The following LRRC37A2 variants were observed in gnomAD, a reference collection of about 807,000 sequenced individuals.
LRRC37A2 encodes the protein leucine rich repeat containing 37 member A2, also known as leucine-rich repeat-containing protein 37A2.
A neutral mutation model predicts 68.8 loss-of-function variants in LRRC37A2; 9 were observed. The observed-to-expected ratio is 0.13, with a 90% CI of 0.08 to 0.23. The LOEUF is 0.23. LRRC37A2 is among the 10% of genes least tolerant of loss of function. LRRC37A2 has a pLI of 1.00. For synonymous variants in LRRC37A2, 63 were observed against 367.6 expected, an observed-to-expected ratio of 0.17 and a Z score of 9.48; for missense variants, 168 against 950.4, an observed-to-expected ratio of 0.18 and a Z score of 10.82.
chr17:46,682,132 A>ATT, the LRRC37A2 span, among the ~76,000 whole-genome samples: 1 of 99,828 alleles, frequency 1.0e-5, no homozygotes, highest in Non-Finnish European at 1.7e-5. Context: ...GGTGTTTTGG[A>ATT]TTTTGGTTTT....
chr17:46,798,511 A>ACCATTGG, the LRRC37A2 span, among the ~76,000 whole-genome samples: 2 of 152,164 alleles, frequency 1.3e-5, no homozygotes, highest in African/African-American at 4.8e-5. Context: ...TGCCAGCCAT[A>ACCATTGG]CCATTGGCAC....
the LRRC37A2 span, among the ~76,000 whole-genome samples, chr17:47,001,542 T>C: frequency 1.3e-5 from 2 of 152,130 alleles, no homozygotes; most frequent in Admixed American, 1.3e-4. Context: ...TACAATTTGA[T>C]AATATCTGAG....
the LRRC37A2 span, among the ~76,000 whole-genome samples, chr17:46,771,058 C>T: frequency 6.6e-6 from 1 of 152,344 alleles, no homozygotes; most frequent in Non-Finnish European, 1.5e-5. Flanking sequence ...CGCCCGCCTC[C>T]CCTCCTGGGC....
At chr17:46,996,821 A>G in the LRRC37A2 span, among the ~76,000 whole-genome samples, 4 of 152,082 alleles carry the variant, frequency 2.6e-5, no homozygotes, top group South Asian at 8.3e-4. Context: ...CTCACTTTCT[A>G]ATTATTTATT....
chr17:46,927,887 C>T, the LRRC37A2 span, among the ~76,000 whole-genome samples: 1 of 152,018 alleles, frequency 6.6e-6, no homozygotes, highest in African/African-American at 2.4e-5. Flanking sequence ...ATCATATTAC[C>T]AACTTTCAGA....
chr17:46,911,845 T>A, the LRRC37A2 span, among the ~76,000 whole-genome samples: 1 of 152,208 alleles, frequency 6.6e-6, no homozygotes, highest in Non-Finnish European at 1.5e-5. Context: ...ATCACGCCAC[T>A]GCACTCTAGC....
At chr17:46,784,835 G>A in the LRRC37A2 span, among the ~76,000 whole-genome samples, 1 of 150,842 alleles carries the variant, frequency 6.6e-6, no homozygotes, top group Admixed American at 6.6e-5. Flanking sequence ...GAGTGCAGTG[G>A]CGCGATCTCG....
chr17:46,808,128 A>G, the LRRC37A2 span, among the ~76,000 whole-genome samples: 3 of 152,212 alleles, frequency 2.0e-5, no homozygotes, highest in Admixed American at 6.5e-5. Context: ...CATTTACGCT[A>G]CCCTTTCTGT....
chr17:46,839,167 C>T, the LRRC37A2 span, among the ~76,000 whole-genome samples: 733 of 152,316 alleles, frequency 4.8e-3, 4 homozygotes, highest in Non-Finnish European at 8.4e-3. Context: ...CGTGAGCCAC[C>T]GCACCTGGCC....
the LRRC37A2 span, among the ~76,000 whole-genome samples, chr17:46,723,504 C>G: frequency 6.6e-6 from 1 of 152,208 alleles, no homozygotes; most frequent in African/African-American, 2.4e-5. Flanking sequence ...CATTGTGTAT[C>G]AAGAGACTGA....
the LRRC37A2 span, among the ~76,000 whole-genome samples, chr17:46,486,058 A>G: frequency 1.3e-5 from 1 of 79,640 alleles, no homozygotes; most frequent in Admixed American, 1.3e-4. Context: ...GGCATTAAAT[A>G]CATTCTTAAT....
At chr17:46,918,422 C>T in the LRRC37A2 span, among the ~76,000 whole-genome samples, 1 of 152,108 alleles carries the variant, frequency 6.6e-6, no homozygotes, top group Admixed American at 6.5e-5. Flanking sequence ...ACTGGGCCCA[C>T]AAAAACATTT....
chr17:46,476,722 TG>T, the LRRC37A2 span: 1 of 514,136 alleles, frequency 1.9e-6, no homozygotes. Context: ...TCTCCTCTGA[TG>T]GTGCTTTCGA....
chr17:46,390,168 ATC>A, the LRRC37A2 span, among the ~76,000 whole-genome samples: 1 of 119,938 alleles, frequency 8.3e-6, no homozygotes, highest in South Asian at 3.7e-4. Context: ...AGATCTCACC[ATC>A]TCTCTTCCTT....
the LRRC37A2 span, among the ~76,000 whole-genome samples, chr17:47,011,570 G>GT: frequency 0.018 from 2,474 of 140,394 alleles, 44 homozygotes; most frequent in African/African-American, 0.055. Context: ...AAAAAAAGTT[G>GT]TTTTTTTTTT....
chr17:46,612,269 T>G, the LRRC37A2 span, among the ~76,000 whole-genome samples: 18 of 81,888 alleles, frequency 2.2e-4, no homozygotes, highest in Non-Finnish European at 3.4e-4. Flanking sequence ...GTAGAGAAAT[T>G]GGAGCCCTCA....
At chr17:46,937,281 C>G in the LRRC37A2 span, 1 of 152,124 alleles carries the variant, frequency 6.6e-6, no homozygotes, top group African/African-American at 2.4e-5. Flanking sequence ...TAAATATGGA[C>G]TTGACCCACC....
At chr17:46,925,502 G>T in the LRRC37A2 span, among the ~76,000 whole-genome samples, 16 of 152,272 alleles carry the variant, frequency 1.1e-4, no homozygotes, top group African/African-American at 3.9e-4. Flanking sequence ...TCTGGTTCTA[G>T]ACCTCCTTAC....
At chr17:46,742,595 A>G in the LRRC37A2 span, among the ~76,000 whole-genome samples, 1 of 152,144 alleles carries the variant, frequency 6.6e-6, no homozygotes, top group Admixed American at 6.5e-5. Flanking sequence ...GCAGTTTTAA[A>G]TGGAGGTATG....
Sources: gnomAD v4.1 joint callset for allele counts (sites outside exome capture counted in the v4.1 genomes callset) on GRCh38, gnomAD v4.1.1 for gene constraint, MANE v1.5 for transcripts, NCBI Gene and HGNC (gene_info 2026-07-23, HGNC 2026-07-21) for gene names.